The following STAT4 variants were observed in gnomAD, a reference collection of about 807,000 sequenced individuals.
The protein encoded by STAT4 is signal transducer and activator of transcription 4.
A neutral mutation model predicts 110.5 loss-of-function variants in STAT4; 42 were observed. The ratio of observed to expected loss-of-function variants is 0.38; its 90% CI spans 0.30 to 0.49. The LOEUF (loss-of-function observed/expected upper bound fraction) is 0.49, where lower values mean the gene tolerates loss of function less well. Ranked by LOEUF, STAT4 falls within the 20% of genes least tolerant of loss-of-function variation. The pLI, the probability that STAT4 is intolerant of heterozygous loss-of-function variation, is 0.95. For synonymous variants in STAT4, 284 were observed against 302.2 expected, an observed-to-expected ratio of 0.94 and a Z score of 0.63; for missense variants, 632 against 887.9, an observed-to-expected ratio of 0.71 and a Z score of 3.66.
chr2:191,146,590 G>C lies in STAT4; in HGVS notation c.273+23C>G. The C allele has an allele frequency of 6.9e-7, 1 of 1,448,226 alleles. No homozygotes were observed. Among genetic ancestry groups the C allele is most frequent in the Non-Finnish European group, 9.1e-7 (1 of 1,094,692 alleles). 89.7% of individuals were successfully genotyped at this position (1,448,226 alleles called of 1,614,324 possible). On this transcript the variant is annotated intron_variant, in intron 3 of 23. Transcript: ENST00000392320. The surrounding 1 kb of genome is among the most constrained non-coding windows in gnomAD (Gnocchi z 4.5). Reference sequence around the variant, plus strand: ...TAAGACTCATATATCCAAATATTTTGGAAAAGTAGAATGCATTCTTACCTG... The same window carrying C: ...TAAGACTCATATATCCAAATATTTTCGAAAAGTAGAATGCATTCTTACCTG...
chr2:191,092,796 G>A (rs1342373445), intron 3 of STAT4, among the ~76,000 whole-genome samples: 1 of 152,202 alleles, frequency 6.6e-6, no homozygotes, highest in Non-Finnish European at 1.5e-5. Context: ...TCCTAGCCAA[G>A]GGAAGCTGTG....
rs1698494765 is a variant in STAT4 at position 191,113,886 on chromosome 2, A to C, written c.273+32727T>G. On this transcript the variant is annotated intron_variant, in intron 3 of 23. Transcript: ENST00000392320. The surrounding 1 kb of genome is among the most constrained non-coding windows in gnomAD (Gnocchi z 4.8). ...TGATTTATATAAAGAACATGTTTTC[A>C]TATGTATCATTTTTGATATGCCTCT... 6.6e-6 allele frequency among the ~76,000 whole-genome samples: 1 copy of C among 152,222 alleles called. No homozygotes were observed. Among genetic ancestry groups the C allele is most frequent in the South Asian group, 2.1e-4 (1 of 4,834 alleles).
intron 5 of STAT4, among the ~76,000 whole-genome samples, chr2:191,070,252 G>A (rs1490592473): frequency 6.6e-6 from 1 of 151,820 alleles, no homozygotes; most frequent in African/African-American, 2.4e-5. Context: ...CTTCTTCTGT[G>A]TCTCCCGTTA....
intron 3 of STAT4, among the ~76,000 whole-genome samples, chr2:191,102,427 T>C (rs964983627): frequency 1.3e-5 from 2 of 152,184 alleles, no homozygotes; most frequent in African/African-American, 4.8e-5. Context: ...GCAATTACCA[T>C]TGAATTTATT....
At chr2:191,145,057 T>C (rs1301930257) in intron 3 of STAT4, among the ~76,000 whole-genome samples, 1 of 152,092 alleles carries the variant, frequency 6.6e-6, no homozygotes, top group Non-Finnish European at 1.5e-5. Context: ...TAGCAAACTT[T>C]CCTATAAAAG....
chr2:191,064,600 G>A (rs897265402), intron 8 of STAT4, among the ~76,000 whole-genome samples: 2 of 152,188 alleles, frequency 1.3e-5, no homozygotes, highest in Non-Finnish European at 2.9e-5. Flanking sequence ...GCATTCAATG[G>A]ACGCTTTCCT....
At position 191,032,197 on chromosome 2, in the gene STAT4, G is replaced by A. The variant is rs1448312660; in HGVS notation, c.2045-681C>T. The A allele has an allele frequency of 6.6e-6, 1 of 152,244 alleles. No individual in the cohort carries two copies. Among genetic ancestry groups the A allele is most frequent in the Non-Finnish European group, 1.5e-5 (1 of 68,088 alleles). 9.4% of individuals were successfully genotyped at this position (152,244 alleles called of 1,614,324 possible). On this transcript the variant is annotated intron_variant, in intron 21 of 23. Transcript: ENST00000392320. This position sits in a 1 kb window ranked among gnomAD's most constrained non-coding sequence, Gnocchi z 4.9. ...AGGGCATGAAGTCAGGTGGCTGCAA[G>A]TCTGTGAGTGACAACTGTAGGATAT...
In STAT4 at chr2:191,113,491, T is replaced by C. The variant is rs1001862346; in HGVS notation, c.273+33122A>G. On this transcript the variant is annotated intron_variant, in intron 3 of 23. Coordinates refer to ENST00000392320, the MANE Select transcript of STAT4 (RefSeq NM_003151.4). This position sits in a 1 kb window ranked among gnomAD's most constrained non-coding sequence, Gnocchi z 4.8. ...TGACAGAATGAAACAGCATTGGATA[T>C]AAATATGCTCAGAAACTTATACAAG... 6.6e-6 allele frequency among the ~76,000 whole-genome samples: 1 copy of C among 152,166 alleles called. No homozygotes were observed. The highest frequency in any genetic ancestry group is 6.5e-5 in the Admixed American group (1 of 15,282).
At chr2:191,108,409 C>G (rs1698339780) in intron 3 of STAT4, among the ~76,000 whole-genome samples, 2 of 152,052 alleles carry the variant, frequency 1.3e-5, no homozygotes, top group South Asian at 4.1e-4. Context: ...CAGTCTTGTT[C>G]ATTAAAGATG....
rs1374301115 is a variant in STAT4, at chr2:191,119,653, AT to A, written c.273+26959del. Among the ~76,000 whole-genome samples the A allele has an allele frequency of 8.5e-5, 13 of 152,322 alleles. 1 individual carries two copies. The highest frequency in any genetic ancestry group is 3.4e-3 in the Middle Eastern group (1 of 294). On this transcript the variant is annotated intron_variant, in intron 3 of 23. Coordinates refer to ENST00000392320, the MANE Select transcript of STAT4 (RefSeq NM_003151.4). ...TCCCAATGAAAATCCCTGCAGGTTT[AT>A]TTGTTGAAATTGTCAAGCTACTACT...
Position 191,090,722 on chromosome 2 carries a change from G to A in STAT4, c.274-14397C>T, listed in dbSNP as rs375336387. Among the ~76,000 whole-genome samples the A allele has an allele frequency of 4.0e-4, 61 of 152,002 alleles. No individual in the cohort carries two copies. The highest frequency in any genetic ancestry group is 7.7e-4 in the East Asian group (4 of 5,164). ...ACTAGAGGCACCCGCCACCATGCCC[G>A]GCTAATTTTTTGTATTTTTAGTAGA... is the stretch of plus-strand genomic sequence containing the variant. On this transcript the variant is annotated intron_variant, in intron 3 of 23. Transcript: ENST00000392320. The surrounding 1 kb of genome is among the most constrained non-coding windows in gnomAD (Gnocchi z 4.2).
In STAT4 at chr2:191,032,228, A is replaced by G. The variant is rs1324324320; in HGVS notation, c.2045-712T>C. 1.3e-5 allele frequency: 2 copies of G among 152,280 alleles called. No homozygotes were observed. Among genetic ancestry groups the G allele is most frequent in the Non-Finnish European group, 2.9e-5 (2 of 68,070 alleles). The allele number at this position is 152,280 out of a possible 1,614,324, so 9.4% of individuals were successfully genotyped here. On this transcript the variant is annotated intron_variant, in intron 21 of 23. Transcript: ENST00000392320. This position sits in a 1 kb window ranked among gnomAD's most constrained non-coding sequence, Gnocchi z 4.9. ...GAGTGACAACTGTAGGATATTCTAC[A>G]TGATGGTGCCCAAAGATTTAGTGCT...
At chr2:191,069,799 C>G in intron 5 of STAT4, 28 bp from the exon 6 acceptor site, 1 of 1,546,502 alleles carries the variant, frequency 6.5e-7, no homozygotes, top group Non-Finnish European at 8.8e-7. Context: ...CATACTCACT[C>G]TGCTGTCACA....
chr2:191,029,834 A>T lies in STAT4; in HGVS notation c.*6T>A. Reference sequence around the variant, plus strand: ...TTCCTTTCTTGGTGCGTCAGAGTTTATCCTGTCATTCAGCAGAATAAGGAG... The same window carrying T: ...TTCCTTTCTTGGTGCGTCAGAGTTTTTCCTGTCATTCAGCAGAATAAGGAG... On this transcript the variant is annotated 3_prime_UTR_variant, in exon 24 of 24. Transcript: ENST00000392320. This position sits in a 1 kb window ranked among gnomAD's most constrained non-coding sequence, Gnocchi z 4.5. 6.2e-7 allele frequency: 1 copy of T among 1,602,530 alleles called. No homozygotes were observed.
chr2:191,080,976 T>G (rs889353598), intron 3 of STAT4, among the ~76,000 whole-genome samples: 1 of 152,214 alleles, frequency 6.6e-6, no homozygotes, highest in East Asian at 1.9e-4. Flanking sequence ...TTTCTCCTAA[T>G]GCTATCCCTT....
chr2:191,088,830 G>T (rs758913635), intron 3 of STAT4, among the ~76,000 whole-genome samples: 6 of 152,130 alleles, frequency 3.9e-5, no homozygotes, highest in Non-Finnish European at 7.4e-5. Flanking sequence ...CAGAACAAAG[G>T]TGGTCTTTTC....
rs1020141155 is a variant in STAT4 at position 191,147,205 on chromosome 2, T to C, written c.129-448A>G. The stretch of plus-strand genomic sequence containing the variant: ...ACTCAAACAGATATTTGCATACCAA[T>C]GTTCCTAGCAGGGTTATTAGCAATA... On this transcript the variant is annotated intron_variant, in intron 2 of 23. Transcript: ENST00000392320. This position sits in a 1 kb window ranked among gnomAD's most constrained non-coding sequence, Gnocchi z 4.1. Among the ~76,000 whole-genome samples, 3 of 152,172 alleles carry C rather than the reference T, an allele frequency of 2.0e-5. No individual in the cohort carries two copies. The highest frequency in any genetic ancestry group is 2.0e-4 in the Admixed American group (3 of 15,278).
rs1696250172 is a variant in STAT4, at chr2:191,042,977, C to A, written c.1252-1829G>T. Among the ~76,000 whole-genome samples, 1 of 152,222 alleles carries A rather than the reference C, an allele frequency of 6.6e-6. No homozygotes were observed. Among genetic ancestry groups the A allele is most frequent in the East Asian group, 1.9e-4 (1 of 5,184 alleles). ...TATTTTTAGTAGAGATGGGGTTTCTCCATGTTGGTCAAGCTGGGCTCGAAC... is the reference window on the plus strand; with the variant it reads ...TATTTTTAGTAGAGATGGGGTTTCTACATGTTGGTCAAGCTGGGCTCGAAC... On this transcript the variant is annotated intron_variant, in intron 14 of 23. Coordinates refer to ENST00000392320, the MANE Select transcript of STAT4 (RefSeq NM_003151.4). The surrounding 1 kb of genome is among the most constrained non-coding windows in gnomAD (Gnocchi z 4.2).
At chr2:191,079,748 A>T (rs1697411454) in intron 3 of STAT4, among the ~76,000 whole-genome samples, 1 of 152,014 alleles carries the variant, frequency 6.6e-6, no homozygotes, top group East Asian at 1.9e-4. Flanking sequence ...TTTTCTATTT[A>T]TCTTTTTTTT....
Sources: gnomAD v4.1 joint callset for allele counts (sites outside exome capture counted in the v4.1 genomes callset) on GRCh38, gnomAD v4.1.1 for gene constraint, Gnocchi (gnomAD v3.1) non-coding constraint, MANE v1.5 for transcripts, NCBI Gene and HGNC (gene_info 2026-07-23, HGNC 2026-07-21) for gene names.